Variants in CWC22 observed in about 807,000 individuals in gnomAD.
CWC22 encodes the protein pre-mRNA-splicing factor CWC22 homolog.
In CWC22, 53 loss-of-function variants were observed where a neutral mutation model predicts 117.2. That is an observed-to-expected ratio of 0.45 (90% CI 0.36 to 0.57). The LOEUF (loss-of-function observed/expected upper bound fraction) is 0.57, where lower values mean the gene tolerates loss of function less well. Among genes scored for constraint, CWC22 ranks in the 20% least tolerant of loss-of-function variants. CWC22 has a pLI of 0.00. For synonymous variants in CWC22, 360 were observed against 355.6 expected (o/e 1.01, Z -0.14); for missense variants, 980 against 1,068.8 (o/e 0.92, Z 1.16).
intron 1 of CWC22, among the ~76,000 whole-genome samples, chr2:180,003,523 A>G (rs1035935198): frequency 3.3e-5 from 5 of 152,336 alleles, no homozygotes; most frequent in South Asian, 4.1e-4. Flanking sequence ...AGAGCCACGT[A>G]GTAAACCACA....
intron 13 of CWC22, among the ~76,000 whole-genome samples, chr2:179,959,985 A>C (rs1686704557): frequency 6.6e-6 from 1 of 152,100 alleles, no homozygotes; most frequent in Non-Finnish European, 1.5e-5. Flanking sequence ...AGCCATAACT[A>C]ATCAGATAAA....
At chr2:179,964,497 C>T (rs776311763) in intron 13 of CWC22, 50 bp downstream of exon 13, 11 of 944,066 alleles carry the variant, frequency 1.2e-5, no homozygotes, top group Non-Finnish European at 1.8e-5. Flanking sequence ...TCTCTTTACC[C>T]ATCCCTTATC....
chr2:179,955,123 T>A, intron 14 of CWC22, 89 bp from the exon 15 acceptor site: 1 of 932,222 alleles, frequency 1.1e-6, no homozygotes, highest in Non-Finnish European at 1.7e-6. Flanking sequence ...ACTGCCTGCA[T>A]TTTTAAATAA....
chr2:179,996,832 A>T (rs1367446602), intron 1 of CWC22, among the ~76,000 whole-genome samples: 1 of 15,622 alleles, frequency 6.4e-5, no homozygotes, highest in Non-Finnish European at 1.7e-4. Flanking sequence ...GTTAAAAGAT[A>T]AAAAAAAAAG....
chr2:179,987,291 T>G (rs1221914951), intron 3 of CWC22, among the ~76,000 whole-genome samples: 1 of 152,138 alleles, frequency 6.6e-6, no homozygotes, highest in East Asian at 1.9e-4. Flanking sequence ...GAGAATGGAT[T>G]GAAATTATTA....
rs1416750646 is a variant in CWC22 at position 179,945,454 on chromosome 2, G to A, written c.2402C>T (p.Ala801Val). 3 of 1,612,426 alleles carry A rather than the reference G, an allele frequency of 1.9e-6. No homozygotes were observed. The highest frequency in any genetic ancestry group is 2.7e-5 in the African/African-American group (2 of 74,808). ...PSERNNYSRV[A>V]NDRDQEMHID... is the part of the protein sequence containing the mutation. Reference sequence around the variant, plus strand: ...ATGCATTTCTTGGTCTCTGTCATTCGCAACTCTACTGTAGTTATTTCGTTC... The same window carrying A: ...ATGCATTTCTTGGTCTCTGTCATTCACAACTCTACTGTAGTTATTTCGTTC... Residue 801 changes from alanine to valine, a missense_variant, in exon 20 of 20, where the codon GCG (alanine) becomes GTG (valine). By Grantham distance (64) the Ala-to-Val change is moderately conservative. Transcript: ENST00000410053.
intron 16 of CWC22, among the ~76,000 whole-genome samples, chr2:179,953,879 A>G (rs959540042): frequency 1.3e-5 from 2 of 152,124 alleles, no homozygotes; most frequent in Non-Finnish European, 1.5e-5. Context: ...AAATAGTGGC[A>G]TATGTGGATG....
intron 6 of CWC22, among the ~76,000 whole-genome samples, chr2:179,976,121 C>T (rs759430337): frequency 3.9e-5 from 6 of 152,108 alleles, no homozygotes; most frequent in African/African-American, 7.2e-5. Flanking sequence ...AACTGATTTT[C>T]GACAAAGATG....
Position 180,006,895 on chromosome 2 carries a change from C to T in CWC22, c.-142G>A, listed in dbSNP as rs1205360706. 2 of 152,494 alleles carry T rather than the reference C, an allele frequency of 1.3e-5. No individual in the cohort carries two copies. Among genetic ancestry groups the T allele is most frequent in the Non-Finnish European group, 2.9e-5 (2 of 68,262 alleles). 9.4% of individuals were successfully genotyped at this position (152,494 alleles called of 1,614,324 possible). ...CTTGGACCTAGCCGCTCTCACACCC[C>T]TCTTGCGGGCCCGAGCGTAGCGAGA... On this transcript the variant is annotated 5_prime_UTR_variant, in exon 1 of 20. Transcript: ENST00000410053.
chr2:179,961,219 A>C (rs1193260086), intron 13 of CWC22, among the ~76,000 whole-genome samples: 3 of 152,012 alleles, frequency 2.0e-5, no homozygotes, highest in African/African-American at 7.2e-5. Flanking sequence ...TAGCAAACTC[A>C]ATTTGTTAAT....
chr2:180,000,756 C>T (rs1329695416), intron 1 of CWC22, among the ~76,000 whole-genome samples: 1 of 151,844 alleles, frequency 6.6e-6, no homozygotes, highest in African/African-American at 2.4e-5. Context: ...TGGTCTGCAA[C>T]TCTGTGTGGA....
At position 179,963,352 on chromosome 2, in the gene CWC22, T is replaced by C. The variant is rs1179952520; in HGVS notation, c.1397+1195A>G. 2.9e-5 allele frequency among the ~76,000 whole-genome samples: 4 copies of C among 137,606 alleles called. No homozygotes were observed. The East Asian group carries it at 8.3e-4, about 29-fold the overall frequency. The allele number at this position is 137,606 out of a possible 152,430, so 90.3% of individuals were successfully genotyped here. ...ATTTAATACTTTTTTTTTTTTTTTT[T>C]TTTTTTTTGAGACGGAGTCTCGCTC... On this transcript the variant is annotated intron_variant, in intron 13 of 19. Coordinates refer to ENST00000410053, the MANE Select transcript of CWC22 (RefSeq NM_020943.3).
At chr2:179,957,620 G>T (rs944962334) in intron 14 of CWC22, among the ~76,000 whole-genome samples, 2 of 152,134 alleles carry the variant, frequency 1.3e-5, no homozygotes, top group Admixed American at 1.3e-4. Flanking sequence ...TTTGGACAAA[G>T]AATTTATATC....
intron 14 of CWC22, 141 bp from the exon 15 acceptor site, chr2:179,955,175 C>A: frequency 1.6e-6 from 1 of 637,132 alleles, no homozygotes; most frequent in Non-Finnish European, 2.7e-6. Context: ...AAAATAAAAA[C>A]CTCAATCTAT....
intron 5 of CWC22, among the ~76,000 whole-genome samples, chr2:179,980,795 C>A (rs1329975172): frequency 6.6e-6 from 1 of 152,164 alleles, no homozygotes; most frequent in Non-Finnish European, 1.5e-5. Context: ...GTCTGGCTCA[C>A]CTTGCATCTG....
chr2:179,983,644 G>A (rs1472183067), intron 4 of CWC22, among the ~76,000 whole-genome samples: 1 of 151,928 alleles, frequency 6.6e-6, no homozygotes, highest in Admixed American at 6.6e-5. Context: ...TGAGATTGTT[G>A]GGTTGGATGA....
intron 3 of CWC22, among the ~76,000 whole-genome samples, chr2:179,987,843 C>T (rs1268055849): frequency 6.6e-6 from 1 of 152,058 alleles, no homozygotes; most frequent in Admixed American, 6.5e-5. Context: ...ATTTTTGGAT[C>T]GCTGACCTTA....
chr2:179,960,557 A>G (rs1387513309), intron 13 of CWC22, among the ~76,000 whole-genome samples: 2 of 151,994 alleles, frequency 1.3e-5, no homozygotes, highest in Non-Finnish European at 2.9e-5. Flanking sequence ...AGGTAAAAAC[A>G]CCTAAAGGAT....
At chr2:179,951,301 G>A (rs1686442733) in intron 17 of CWC22, among the ~76,000 whole-genome samples, 1 of 151,844 alleles carries the variant, frequency 6.6e-6, no homozygotes, top group African/African-American at 2.4e-5. Flanking sequence ...CTTCTCTGTT[G>A]TGTATGTACA....
Sources: gnomAD v4.1 joint callset for allele counts (sites outside exome capture counted in the v4.1 genomes callset) on GRCh38, gnomAD v4.1.1 for gene constraint, MANE v1.5 for transcripts, NCBI Gene and HGNC (gene_info 2026-07-23, HGNC 2026-07-21) for gene names.